Variants in CMSS1 observed in about 807,000 individuals in gnomAD.
CMSS1 encodes the protein cms1 ribosomal small subunit homolog.
A neutral mutation model predicts 43.5 loss-of-function variants in CMSS1; 33 were observed. The observed-to-expected ratio is 0.76, with a 90% CI of 0.57 to 1.01. The LOEUF (loss-of-function observed/expected upper bound fraction) is 1.01. Among genes scored for constraint, CMSS1 ranks in the 50% least tolerant of loss-of-function variants. The pLI, the probability that CMSS1 is intolerant of heterozygous loss-of-function variation, is 0.00. For synonymous variants in CMSS1, 115 were observed against 117.2 expected (o/e 0.98, Z 0.12); for missense variants, 313 against 326.4 (o/e 0.96, Z 0.32).
chr3:100,030,336 T>C (rs1341608551), intron 1 of CMSS1, among the ~76,000 whole-genome samples: 1 of 152,166 alleles, frequency 6.6e-6, no homozygotes, highest in African/African-American at 2.4e-5. Context: ...AGACAGTGGC[T>C]CCCTGGCATG....
intron 1 of CMSS1, among the ~76,000 whole-genome samples, chr3:100,018,727 C>A (rs1435256307): frequency 5.3e-5 from 5 of 94,176 alleles, no homozygotes; most frequent in African/African-American, 1.2e-4. Context: ...TTAAAAGTTT[C>A]CGCATAGCAA....
At chr3:99,917,739 G>A (rs1706996304) in intron 1 of CMSS1, among the ~76,000 whole-genome samples, 1 of 152,192 alleles carries the variant, frequency 6.6e-6, no homozygotes, top group African/African-American at 2.4e-5. Flanking sequence ...ATATGTGGAA[G>A]CAGTAGGGTA....
intron 1 of CMSS1, 135 bp downstream of exon 1, chr3:99,818,178 C>T (rs1942360589): frequency 1.4e-6 from 1 of 737,340 alleles, no homozygotes; most frequent in Non-Finnish European, 2.3e-6. Context: ...GCAAGCATCT[C>T]GGGGAAAATG....
intron 1 of CMSS1, among the ~76,000 whole-genome samples, chr3:99,945,825 C>A (rs1248030617): frequency 2.0e-5 from 3 of 152,190 alleles, no homozygotes; most frequent in East Asian, 1.9e-4. Flanking sequence ...AAAAGAGAAA[C>A]CCTGTCAGGG....
At chr3:99,941,610 G>A (rs527566726) in intron 1 of CMSS1, among the ~76,000 whole-genome samples, 2 of 152,280 alleles carry the variant, frequency 1.3e-5, no homozygotes, top group Admixed American at 1.3e-4. Context: ...TTTATAATAA[G>A]GGAGATGAAA....
chr3:99,882,583 T>C (rs1242490257), intron 1 of CMSS1, among the ~76,000 whole-genome samples: 8 of 152,198 alleles, frequency 5.3e-5, no homozygotes, highest in Admixed American at 5.2e-4. Flanking sequence ...CACTCTCTGT[T>C]CCCATTTTTA....
intron 1 of CMSS1, among the ~76,000 whole-genome samples, chr3:100,078,286 G>T (rs190621930): frequency 2.0e-4 from 31 of 152,222 alleles, no homozygotes; most frequent in Admixed American, 7.2e-4. Context: ...ATGCACCCTT[G>T]CATTTTAGCC....
At chr3:100,128,655 C>T (rs1040484394) in intron 1 of CMSS1, among the ~76,000 whole-genome samples, 6 of 152,176 alleles carry the variant, frequency 3.9e-5, no homozygotes, top group African/African-American at 1.4e-4. Context: ...AAACCCACCC[C>T]ACTCCCCACA....
intron 1 of CMSS1, among the ~76,000 whole-genome samples, chr3:99,820,036 A>G (rs1942403925): frequency 6.6e-6 from 1 of 151,884 alleles, no homozygotes; most frequent in Admixed American, 6.6e-5. Flanking sequence ...TACAGGCGTG[A>G]GCCACCGTGC....
intron 1 of CMSS1, among the ~76,000 whole-genome samples, chr3:99,966,443 A>G (rs1708654279): frequency 6.6e-6 from 1 of 152,192 alleles, no homozygotes; most frequent in Non-Finnish European, 1.5e-5. Flanking sequence ...AGAACTAGAT[A>G]TAATTCAGTC....
intron 1 of CMSS1, among the ~76,000 whole-genome samples, chr3:99,974,284 T>C (rs1362864736): frequency 6.6e-6 from 1 of 152,236 alleles, no homozygotes; most frequent in East Asian, 1.9e-4. Flanking sequence ...ACGGGTTGAT[T>C]TATTATGGTT....
intron 1 of CMSS1, among the ~76,000 whole-genome samples, chr3:99,842,809 G>C (rs1451803266): frequency 6.6e-6 from 1 of 152,168 alleles, no homozygotes; most frequent in East Asian, 1.9e-4. Context: ...ATGGAATGTT[G>C]ACAGATTTGT....
At chr3:100,150,562 C>T (rs1209606770) in intron 2 of CMSS1, among the ~76,000 whole-genome samples, 1 of 152,140 alleles carries the variant, frequency 6.6e-6, no homozygotes, top group Non-Finnish European at 1.5e-5. Context: ...ACATTTCTGT[C>T]GCTGAATACA....
At chr3:100,111,069 C>T (rs2107476910) in intron 1 of CMSS1, among the ~76,000 whole-genome samples, 1 of 152,176 alleles carries the variant, frequency 6.6e-6, no homozygotes, top group South Asian at 2.1e-4. Context: ...CCCAGTTCGC[C>T]ATATTCTACT....
At chr3:99,855,231 T>A (rs1023442843) in intron 1 of CMSS1, among the ~76,000 whole-genome samples, 10 of 152,212 alleles carry the variant, frequency 6.6e-5, no homozygotes, top group Admixed American at 1.3e-4. Flanking sequence ...TATGGCTAAA[T>A]TAACTAAAAT....
intron 1 of CMSS1, among the ~76,000 whole-genome samples, chr3:100,139,601 ATATG>A (rs1449227107): frequency 7.4e-5 from 8 of 108,206 alleles, no homozygotes; most frequent in Non-Finnish European, 1.3e-4. Flanking sequence ...GTGTGTGTAT[ATATG>A]TGTGTGTGTA....
chr3:100,074,674 G>GTTTTTTTT (rs1559748772), intron 1 of CMSS1, among the ~76,000 whole-genome samples: 6 of 25,108 alleles, frequency 2.4e-4, no homozygotes, highest in Admixed American at 8.1e-4. Flanking sequence ...TGCAACATTT[G>GTTTTTTTT]ATTTTTTTTT....
intron 1 of CMSS1, among the ~76,000 whole-genome samples, chr3:100,080,233 T>C (rs1321504663): frequency 5.9e-5 from 9 of 152,164 alleles, no homozygotes. Flanking sequence ...TCCACCTGCC[T>C]TGGCCTCCCA....
At chr3:99,848,271 T>C (rs749676489) in intron 1 of CMSS1, 3 of 1,612,198 alleles carry the variant, frequency 1.9e-6, no homozygotes, top group Non-Finnish European at 2.5e-6. Context: ...AGGGTGAGCG[T>C]GGTCAGTTAT....
Sources: gnomAD v4.1 joint callset for allele counts (sites outside exome capture counted in the v4.1 genomes callset) on GRCh38, gnomAD v4.1.1 for gene constraint, MANE v1.5 for transcripts, NCBI Gene and HGNC (gene_info 2026-07-23, HGNC 2026-07-21) for gene names.